The following UBE3A variants were observed in gnomAD, a reference collection of about 807,000 sequenced individuals.
UBE3A encodes the protein ubiquitin-protein ligase E3A.
Under a neutral mutation model 83.4 loss-of-function variants are expected in UBE3A, and 6 were observed. The observed-to-expected ratio is 0.07, with a 90% CI of 0.04 to 0.14. The LOEUF is 0.14. UBE3A is among the 10% of genes least tolerant of loss of function. The pLI, the probability that UBE3A is intolerant of heterozygous loss-of-function variation, is 1.00. For synonymous variants in UBE3A, 337 were observed against 355.4 expected (o/e 0.95, Z 0.58); for missense variants, 456 against 1,036.1 (o/e 0.44, Z 7.69).
chr15:25,361,891 T>TAA (rs2078174561), intron 6 of UBE3A, among the ~76,000 whole-genome samples: 1 of 152,216 alleles, frequency 6.6e-6, no homozygotes, highest in South Asian at 2.1e-4. Flanking sequence ...CTATAGTAGT[T>TAA]AAAGTAATAA....
At chr15:25,422,827 A>C (rs1289871628) in intron 1 of UBE3A, among the ~76,000 whole-genome samples, 2 of 151,104 alleles carry the variant, frequency 1.3e-5, no homozygotes, top group African/African-American at 2.4e-5. Flanking sequence ...AAAAAAAAAA[A>C]AACCAACCAA....
chr15:25,347,520 T>C (rs912286061), intron 11 of UBE3A, among the ~76,000 whole-genome samples: 3 of 152,054 alleles, frequency 2.0e-5, no homozygotes, highest in African/African-American at 7.2e-5. Flanking sequence ...GCCAATATGG[T>C]GAAACCTCAT....
Position 25,371,614 on chromosome 15 carries a change from T to A in UBE3A, c.560A>T (p.Glu187Val). 1 of 1,614,128 alleles carries A rather than the reference T, an allele frequency of 6.2e-7. No individual in the cohort carries two copies. Among genetic ancestry groups the A allele is most frequent in the Admixed American group, 1.7e-5 (1 of 60,028 alleles). Residue 187 changes from glutamate (E) to valine (V), a missense_variant, in exon 6 of 13, where the codon GAA becomes GTA. Glu to Val is a moderately radical substitution (Grantham distance 121). Around this residue, in one of 13 missense-constraint regions of UBE3A, gnomAD observed 42 missense variants for 41.8 expected, o/e 1.00. Coordinates refer to ENST00000648336, the MANE Select transcript of UBE3A (RefSeq NM_130839.5). This position sits in a 1 kb window ranked among gnomAD's most constrained non-coding sequence, Gnocchi z 5.3. ...ACATGCAGCTTTTTCCTTTTCATCT[T>A]CATCTTTGTCTTCATCTTTTGCTTG... The part of the protein sequence containing the change: ...SLQAKDEDKD[E>V]DEKEKAACSA...
chr15:25,350,744 C>G (rs1305145119), intron 11 of UBE3A, among the ~76,000 whole-genome samples: 1 of 152,108 alleles, frequency 6.6e-6, no homozygotes, highest in African/African-American at 2.4e-5. Context: ...CAACACTACT[C>G]TATAATTTTT....
intron 4 of UBE3A, among the ~76,000 whole-genome samples, chr15:25,392,860 G>A (rs1332992158): frequency 6.6e-6 from 1 of 152,152 alleles, no homozygotes; most frequent in Non-Finnish European, 1.5e-5. Context: ...GATCATGGAA[G>A]ACCTCAATAG....
At chr15:25,359,061 A>G (rs2077627655) in intron 7 of UBE3A, among the ~76,000 whole-genome samples, 1 of 152,144 alleles carries the variant, frequency 6.6e-6, no homozygotes. Flanking sequence ...TTTTAGGCAC[A>G]TTTTCTCATG....
chr15:25,425,103 C>T (rs913942270), intron 1 of UBE3A, among the ~76,000 whole-genome samples: 9 of 152,040 alleles, frequency 5.9e-5, no homozygotes, highest in South Asian at 2.1e-4. Flanking sequence ...TCAAGACTTA[C>T]TACAAAGCTA....
At chr15:25,380,444 C>T (rs2081985375) in intron 4 of UBE3A, among the ~76,000 whole-genome samples, 1 of 152,088 alleles carries the variant, frequency 6.6e-6, no homozygotes, top group Admixed American at 6.6e-5. Context: ...TTTATCTCTG[C>T]CCTCCAGTGA....
intron 4 of UBE3A, among the ~76,000 whole-genome samples, chr15:25,379,614 T>A (rs2081833009): frequency 6.6e-6 from 1 of 152,078 alleles, no homozygotes; most frequent in Non-Finnish European, 1.5e-5. Context: ...CTATCTAATT[T>A]AGGATATGTA....
intron 6 of UBE3A, among the ~76,000 whole-genome samples, chr15:25,364,974 G>A (rs2078845862): frequency 6.6e-6 from 1 of 152,080 alleles, no homozygotes; most frequent in African/African-American, 2.4e-5. Context: ...AAAGTACAGT[G>A]TATGTTGTAT....
At chr15:25,341,521 T>A (rs2074794605) in intron 11 of UBE3A, among the ~76,000 whole-genome samples, 1 of 151,780 alleles carries the variant, frequency 6.6e-6, no homozygotes, top group Non-Finnish European at 1.5e-5. Flanking sequence ...CCCAGCACTT[T>A]GGGAGGCTGA....
At chr15:25,365,554 C>T (rs1208872717) in intron 6 of UBE3A, among the ~76,000 whole-genome samples, 1 of 134,002 alleles carries the variant, frequency 7.5e-6, no homozygotes, top group Non-Finnish European at 1.5e-5. Context: ...TGAGACCATC[C>T]TGGCTAACAC....
At chr15:25,421,694 A>G (rs1159350846) in intron 1 of UBE3A, among the ~76,000 whole-genome samples, 2 of 152,218 alleles carry the variant, frequency 1.3e-5, no homozygotes, top group African/African-American at 4.8e-5. Context: ...TACACTTAAA[A>G]ATAGTTAAAA....
intron 4 of UBE3A, among the ~76,000 whole-genome samples, chr15:25,394,925 G>C (rs912712093): frequency 6.6e-6 from 1 of 152,122 alleles, no homozygotes; most frequent in African/African-American, 2.4e-5. Context: ...AAACAACAAA[G>C]AAATCAATAT....
At chr15:25,386,032 C>T (rs2152926316) in intron 4 of UBE3A, among the ~76,000 whole-genome samples, 1 of 152,250 alleles carries the variant, frequency 6.6e-6, no homozygotes, top group Non-Finnish European at 1.5e-5. Flanking sequence ...AACTAGTTAA[C>T]CAGAGCCTAA....
rs898282260 is a variant in UBE3A, at chr15:25,336,497, G to A, written c.*2640C>T. 6.6e-6 allele frequency: 1 copy of A among 152,182 alleles called. No homozygotes were observed. Among genetic ancestry groups the A allele is most frequent in the Non-Finnish European group, 1.5e-5 (1 of 68,034 alleles). The allele number at this position is 152,182 out of a possible 1,614,324, so 9.4% of individuals were successfully genotyped here. A position where few individuals can be genotyped will look rare whatever the true frequency, so the allele number is the denominator to read the frequency against. On this transcript the variant is annotated 3_prime_UTR_variant, in exon 13 of 13. Transcript: ENST00000648336. ...TCTAACAGAATGTCTGTACCGAGGA[G>A]GGATGAGTAACATCGGCAAGTTCTG...
At chr15:25,404,209 A>C (rs962314277) in intron 4 of UBE3A, among the ~76,000 whole-genome samples, 21 of 152,134 alleles carry the variant, frequency 1.4e-4, no homozygotes, top group African/African-American at 5.1e-4. Context: ...ATATACCGGC[A>C]TTTAAATAAG....
intron 4 of UBE3A, among the ~76,000 whole-genome samples, chr15:25,382,133 A>G (rs2082275883): frequency 6.6e-6 from 1 of 152,158 alleles, no homozygotes; most frequent in African/African-American, 2.4e-5. Flanking sequence ...CCTGGCTAAC[A>G]TGGTGAAACT....
At chr15:25,342,163 A>G (rs1377699113) in intron 11 of UBE3A, among the ~76,000 whole-genome samples, 1 of 152,138 alleles carries the variant, frequency 6.6e-6, no homozygotes, top group Non-Finnish European at 1.5e-5. Flanking sequence ...CTGACAAGAG[A>G]AAACAAGTCT....
Sources: gnomAD v4.1 joint callset for allele counts (sites outside exome capture counted in the v4.1 genomes callset) on GRCh38, gnomAD v4.1.1 for gene constraint, gnomAD v4.1.1 regional missense constraint, Gnocchi (gnomAD v3.1) non-coding constraint, MANE v1.5 for transcripts, NCBI Gene and HGNC (gene_info 2026-07-23, HGNC 2026-07-21) for gene names.